The following SUPT16H variants were observed in gnomAD, a reference collection of about 807,000 sequenced individuals.
The protein encoded by SUPT16H is SPT16 homolog, facilitates chromatin remodeling subunit.
In SUPT16H, 24 loss-of-function variants were observed where a neutral mutation model predicts 136.2. The ratio of observed to expected loss-of-function variants is 0.18; its 90% CI spans 0.13 to 0.25. The LOEUF is 0.25. Ranked by LOEUF, SUPT16H falls within the 10% of genes least tolerant of loss-of-function variation. SUPT16H has a pLI of 1.00. For missense variants in SUPT16H, 623 were observed against 1,270.2 expected (o/e 0.49, Z 7.74); for synonymous variants, 415 against 428.2 (o/e 0.97, Z 0.38).
At chr14:21,363,687 CTTTTT>C (rs1396630161) in intron 10 of SUPT16H, among the ~76,000 whole-genome samples, 184 bp from the exon 11 acceptor site, 3 of 151,434 alleles carry the variant, frequency 2.0e-5, no homozygotes, top group Non-Finnish European at 4.4e-5. Flanking sequence ...TTTTCTTTTT[CTTTTT>C]TTTGAGACAG....
intron 1 of SUPT16H, among the ~76,000 whole-genome samples, chr14:21,375,100 G>A (rs1294640762): frequency 1.3e-5 from 2 of 151,808 alleles, no homozygotes; most frequent in Non-Finnish European, 2.9e-5. Context: ...TGCAACCTCC[G>A]CCTCCTAGGT....
intron 3 of SUPT16H, among the ~76,000 whole-genome samples, chr14:21,370,781 ATTTTT>A (rs113154650): frequency 7.2e-6 from 1 of 139,456 alleles, no homozygotes; most frequent in East Asian, 2.1e-4. Flanking sequence ...GCCTGGATAA[ATTTTT>A]TTTTTTTTTT....
chr14:21,375,052 C>T (rs1886872278), intron 1 of SUPT16H, among the ~76,000 whole-genome samples: 1 of 151,874 alleles, frequency 6.6e-6, no homozygotes, highest in Non-Finnish European at 1.5e-5. Flanking sequence ...CTCGCTCTAT[C>T]ACCCAGGCTG....
chr14:21,380,296 A>ATTTTTTTTTTTTTTTTTTT (rs60588939), intron 1 of SUPT16H, among the ~76,000 whole-genome samples: 1 of 112,022 alleles, frequency 8.9e-6, no homozygotes, highest in African/African-American at 3.2e-5. Context: ...GGAAGACTGA[A>ATTTTTTTTTTTTTTTTTTT]TTTTTTTTTT....
chr14:21,363,583 G>A (rs1226784380), intron 10 of SUPT16H, 80 bp from the exon 11 acceptor site: 7 of 1,248,262 alleles, frequency 5.6e-6, no homozygotes, highest in Non-Finnish European at 8.1e-6. Flanking sequence ...GCTGGGCAAT[G>A]CTTTGAATCT....
intron 1 of SUPT16H, among the ~76,000 whole-genome samples, chr14:21,375,877 G>C (rs916175820): frequency 2.0e-5 from 3 of 152,244 alleles, no homozygotes; most frequent in African/African-American, 7.2e-5. Flanking sequence ...ACAGGTGTGA[G>C]CCACTGTGCC....
chr14:21,357,809 A>G, intron 21 of SUPT16H, 118 bp downstream of exon 21: 1 of 1,001,754 alleles, frequency 1.0e-6, no homozygotes, highest in Non-Finnish European at 1.5e-6. Context: ...TTGTTCAATG[A>G]GTTTTAAGTC....
chr14:21,382,161 AAGCAGAAAGT>A (rs1174975626), intron 1 of SUPT16H, among the ~76,000 whole-genome samples: 1 of 152,186 alleles, frequency 6.6e-6, no homozygotes, highest in Non-Finnish European at 1.5e-5. Context: ...ATTAACACAA[AAGCAGAAAGT>A]CTTATTCAAG....
In SUPT16H at chr14:21,352,517, C is replaced by A; in HGVS notation, c.*156G>T. 3.3e-6 allele frequency: 4 copies of A among 1,219,842 alleles called. No homozygotes were observed. Among genetic ancestry groups the A allele is most frequent in the Non-Finnish European group, 4.6e-6 (4 of 875,462 alleles). 75.6% of individuals were successfully genotyped at this position (1,219,842 alleles called of 1,614,324 possible). On this transcript the variant is annotated 3_prime_UTR_variant, in exon 26 of 26. Transcript: ENST00000216297. ...GTGTCCTGGTGGGCCTGGAATTCCC[C>A]GAGTAGATTGGTCCACACAAATGGC... is the stretch of plus-strand genomic sequence containing the variant.
chr14:21,369,917 G>C (rs1886750049), intron 4 of SUPT16H, 21 bp from the exon 5 acceptor site: 1 of 1,610,846 alleles, frequency 6.2e-7, no homozygotes, highest in African/African-American at 1.3e-5. Flanking sequence ...AGTGACAAGA[G>C]TTTCTAACAT....
At chr14:21,365,273 C>T (rs1190058500) in intron 8 of SUPT16H, 130 bp from the exon 9 acceptor site, 1 of 821,690 alleles carries the variant, frequency 1.2e-6, no homozygotes. Flanking sequence ...CTGCTGACCG[C>T]TCAGTTAGAA....
chr14:21,368,823 A>T (rs1886726847), intron 6 of SUPT16H, among the ~76,000 whole-genome samples: 1 of 152,232 alleles, frequency 6.6e-6, no homozygotes, highest in Admixed American at 6.5e-5. Flanking sequence ...ACATAAAAGG[A>T]CAAATACTGA....
chr14:21,369,406 G>GGGGT, intron 5 of SUPT16H, 51 bp from the exon 6 acceptor site: 2 of 1,607,596 alleles, frequency 1.2e-6, no homozygotes, highest in Non-Finnish European at 1.7e-6. Flanking sequence ...GTAGCAAAGC[G>GGGGT]GGGTGTGTGG....
intron 8 of SUPT16H, 34 bp downstream of exon 8, chr14:21,366,405 T>C: frequency 1.9e-6 from 3 of 1,597,882 alleles, no homozygotes; most frequent in Non-Finnish European, 2.6e-6. Context: ...AACTGAAAAC[T>C]GACTCAAGAA....
At chr14:21,382,972 A>C (rs1887064040) in intron 1 of SUPT16H, 1 of 152,106 alleles carries the variant, frequency 6.6e-6, no homozygotes, top group African/African-American at 2.4e-5. Flanking sequence ...TTTTCTCAAA[A>C]CGTTTTTCAG....
chr14:21,358,248 G>A lies in SUPT16H; in HGVS notation c.2414+67C>T, dbSNP rs547249628. On this transcript the variant is annotated intron_variant, in intron 20 of 25. Coordinates refer to ENST00000216297, the MANE Select transcript of SUPT16H (RefSeq NM_007192.4). ...TATGATATGTTAAATTATTATTAAA[G>A]GAAGAATAATTTATTGTACCAAAAG... is the stretch of plus-strand genomic sequence containing the variant. The A allele has an allele frequency of 7.0e-5, 69 of 988,624 alleles. No individual in the cohort carries two copies. The African/African-American group carries it at 1.1e-3, about 16-fold the overall frequency. 61.2% of individuals were successfully genotyped at this position (988,624 alleles called of 1,614,324 possible).
At chr14:21,355,513 T>TAAAAAAAAAAA (rs59639210) in intron 22 of SUPT16H, among the ~76,000 whole-genome samples, 11 of 113,558 alleles carry the variant, frequency 9.7e-5, no homozygotes, top group African/African-American at 2.0e-4. Context: ...ATAATAATAA[T>TAAAAAAAAAAA]AAAAAAAAAA....
At chr14:21,368,608 G>C (rs1011892359) in intron 6 of SUPT16H, among the ~76,000 whole-genome samples, 167 bp from the exon 7 acceptor site, 1 of 152,178 alleles carries the variant, frequency 6.6e-6, no homozygotes, top group Non-Finnish European at 1.5e-5. Flanking sequence ...AAACTAACCA[G>C]TTTATAAAGG....
At chr14:21,382,639 A>C (rs1406638253) in intron 1 of SUPT16H, among the ~76,000 whole-genome samples, 1 of 151,310 alleles carries the variant, frequency 6.6e-6, no homozygotes, top group Non-Finnish European at 1.5e-5. Context: ...AAGGTTTTAA[A>C]ATGTTTTTCT....
Sources: gnomAD v4.1 joint callset for allele counts (sites outside exome capture counted in the v4.1 genomes callset) on GRCh38, gnomAD v4.1.1 for gene constraint, MANE v1.5 for transcripts, NCBI Gene and HGNC (gene_info 2026-07-23, HGNC 2026-07-21) for gene names.